ZBTB16: variants seen among roughly 807,000 people sequenced by gnomAD.
ZBTB16 encodes the protein zinc finger and BTB domain-containing protein 16.
Under a neutral mutation model 56.8 loss-of-function variants are expected in ZBTB16, and 8 were observed. That is an observed-to-expected ratio of 0.14 (90% CI 0.08 to 0.25). The LOEUF (loss-of-function observed/expected upper bound fraction) is 0.25, where lower values mean the gene tolerates loss of function less well. Ranked by LOEUF, ZBTB16 falls within the 10% of genes least tolerant of loss-of-function variation. ZBTB16 has a pLI of 1.00. For missense variants in ZBTB16, 625 were observed against 903.0 expected (o/e 0.69, Z 3.95); for synonymous variants, 363 against 368.5 (o/e 0.98, Z 0.17).
intron 2 of ZBTB16, among the ~76,000 whole-genome samples, chr11:114,099,959 C>T (rs1285338935): frequency 6.6e-6 from 1 of 152,186 alleles, no homozygotes; most frequent in Non-Finnish European, 1.5e-5. Flanking sequence ...TGTGTGTCCT[C>T]TGACGTCTAG....
At chr11:114,245,005 G>C (rs1944786151) in intron 5 of ZBTB16, among the ~76,000 whole-genome samples, 1 of 152,220 alleles carries the variant, frequency 6.6e-6, no homozygotes, top group Non-Finnish European at 1.5e-5. Flanking sequence ...CGTAATCGTT[G>C]CCGATTCAGT....
chr11:114,241,308 C>A (rs1944697203), intron 4 of ZBTB16, among the ~76,000 whole-genome samples: 1 of 151,970 alleles, frequency 6.6e-6, no homozygotes, highest in South Asian at 2.1e-4. Context: ...GAGTGTGAAC[C>A]CCAGCCCTGC....
chr11:114,243,669 C>A (rs1944758203), intron 5 of ZBTB16, among the ~76,000 whole-genome samples: 1 of 152,186 alleles, frequency 6.6e-6, no homozygotes, highest in Non-Finnish European at 1.5e-5. Context: ...AAGCATTTCC[C>A]CTGCAGCTAT....
chr11:114,220,046 G>A (rs1944197115), intron 4 of ZBTB16, among the ~76,000 whole-genome samples: 2 of 152,240 alleles, frequency 1.3e-5, no homozygotes, highest in South Asian at 4.1e-4. Context: ...CCTAGAGAGA[G>A]GTGAGGAAAG....
rs898456747 is a variant in ZBTB16, at chr11:114,143,163, T to C, written c.1269-13174T>C. Among the ~76,000 whole-genome samples, 1 of 152,112 alleles carries C rather than the reference T, an allele frequency of 6.6e-6. No homozygotes were observed. Among genetic ancestry groups the C allele is most frequent in the Non-Finnish European group, 1.5e-5 (1 of 68,008 alleles). On this transcript the variant is annotated intron_variant, in intron 2 of 6. Coordinates refer to ENST00000335953, the MANE Select transcript of ZBTB16 (RefSeq NM_006006.6). This position sits in a 1 kb window ranked among gnomAD's most constrained non-coding sequence, Gnocchi z 6.4. ...GCTGATGAGGGTGAGGAGCGGTGGG[T>C]ACCCGGCTCTAAGCAATATGTTCTA...
chr11:114,062,013 G>A (rs1167421053), intron 1 of ZBTB16, among the ~76,000 whole-genome samples: 2 of 151,918 alleles, frequency 1.3e-5, no homozygotes, highest in Admixed American at 1.3e-4. Flanking sequence ...ATCCTTCTTC[G>A]TTTTTTAGAT....
At position 114,253,244 on chromosome 11, in the gene ZBTB16, C is replaced by T. The variant is rs549047984; in HGVS notation, c.*2689C>T. On this transcript the variant is annotated 3_prime_UTR_variant, in exon 7 of 7. Transcript: ENST00000335953. ...CATAGAACTAGCTGGCCCCCTCACT[C>T]CCATGCCCTTCCCACTCAGCCTGGG... 3.9e-5 allele frequency among the ~76,000 whole-genome samples: 6 copies of T among 152,298 alleles called. No individual in the cohort carries two copies. The East Asian group carries it at 1.2e-3, about 29-fold the overall frequency.
chr11:114,201,563 G>A (rs1272464138), intron 4 of ZBTB16, among the ~76,000 whole-genome samples: 1 of 152,132 alleles, frequency 6.6e-6, no homozygotes, highest in Non-Finnish European at 1.5e-5. Context: ...GATGCTGATT[G>A]CAACACTATT....
chr11:114,148,325 ATGGC>A (rs144399770), intron 2 of ZBTB16, among the ~76,000 whole-genome samples: 8,930 of 90,596 alleles, frequency 0.099, 1,059 homozygotes, highest in African/African-American at 0.24. Flanking sequence ...CATAGGATGC[ATGGC>A]TGGCTGGCTT....
rs1295336844 is a variant in ZBTB16, at chr11:114,250,743, C to T, written c.*188C>T. 17 of 653,916 alleles carry T rather than the reference C, an allele frequency of 2.6e-5. No homozygotes were observed. The African/African-American group carries it at 2.9e-4, about 11-fold the overall frequency. The allele number at this position is 653,916 out of a possible 1,614,324, so 40.5% of individuals were successfully genotyped here. ...TGACCTGGATGCCAAGCCACTGCCC[C>T]TCCTCTGGGGGCCTCCACCCTCCTC... On this transcript the variant is annotated 3_prime_UTR_variant, in exon 7 of 7. Coordinates refer to ENST00000335953, the MANE Select transcript of ZBTB16 (RefSeq NM_006006.6). This position sits in a 1 kb window ranked among gnomAD's most constrained non-coding sequence, Gnocchi z 6.0.
At chr11:114,092,665 G>A (rs1940235737) in intron 2 of ZBTB16, among the ~76,000 whole-genome samples, 1 of 152,192 alleles carries the variant, frequency 6.6e-6, no homozygotes, top group East Asian at 1.9e-4. Flanking sequence ...GCCTTAGTTT[G>A]TGCATCTCTA....
In ZBTB16 at chr11:114,241,264, T is replaced by C. The variant is rs184025786; in HGVS notation, c.1454-903T>C. 1.3e-4 allele frequency among the ~76,000 whole-genome samples: 19 copies of C among 150,576 alleles called. No homozygotes were observed. In the East Asian group the frequency reaches 3.7e-3, roughly 29 times the overall value. On this transcript the variant is annotated intron_variant, in intron 4 of 6. Transcript: ENST00000335953. ...AAAAAAACAAAACAGGATCTGTAGC[T>C]AGTCTTGGGAAAGCATTAAAATCTA... is the stretch of plus-strand genomic sequence containing the variant.
chr11:114,144,872 C>A (rs2134911275), intron 2 of ZBTB16, among the ~76,000 whole-genome samples: 1 of 152,310 alleles, frequency 6.6e-6, no homozygotes, highest in South Asian at 2.1e-4. Context: ...AAGGAAGGTG[C>A]ATTATTAAAT....
intron 2 of ZBTB16, among the ~76,000 whole-genome samples, chr11:114,075,566 C>T (rs779016261): frequency 3.3e-5 from 5 of 151,552 alleles, no homozygotes; most frequent in African/African-American, 4.9e-5. Context: ...AAGTGATTCT[C>T]GTGCCTCAGC....
intron 4 of ZBTB16, among the ~76,000 whole-genome samples, chr11:114,206,440 A>G (rs1185746206): frequency 6.6e-6 from 1 of 152,144 alleles, no homozygotes; most frequent in African/African-American, 2.4e-5. Flanking sequence ...CATCTCCAGA[A>G]AAGCTCCTCT....
chr11:114,199,086 C>T (rs1297610052), intron 4 of ZBTB16, among the ~76,000 whole-genome samples: 1 of 152,268 alleles, frequency 6.6e-6, no homozygotes, highest in East Asian at 1.9e-4. Context: ...CGATGCCAGA[C>T]ATGGATGCTG....
intron 4 of ZBTB16, among the ~76,000 whole-genome samples, chr11:114,228,893 T>C (rs965094615): frequency 5.3e-5 from 8 of 152,192 alleles, no homozygotes; most frequent in African/African-American, 1.9e-4. Flanking sequence ...CTGGTGTGAA[T>C]GCAGGCCTGG....
At chr11:114,067,253 G>A (rs2137662770) in intron 2 of ZBTB16, among the ~76,000 whole-genome samples, 1 of 152,278 alleles carries the variant, frequency 6.6e-6, no homozygotes, top group South Asian at 2.1e-4. Flanking sequence ...GAGTTCTAGT[G>A]TGTAGTGTCC....
chr11:114,224,516 C>T (rs1033915092), intron 4 of ZBTB16, among the ~76,000 whole-genome samples: 11 of 152,166 alleles, frequency 7.2e-5, no homozygotes, highest in Admixed American at 2.0e-4. Context: ...GGTATACAGA[C>T]GTATCTGGAA....
Sources: allele counts gnomAD v4.1 joint callset (sites outside exome capture counted in the v4.1 genomes callset), GRCh38; gene constraint gnomAD v4.1.1; non-coding constraint Gnocchi (gnomAD v3.1); transcripts MANE v1.5; gene names NCBI Gene and HGNC (gene_info 2026-07-23, HGNC 2026-07-21).